BRCA1: variants seen among roughly 807,000 people sequenced by gnomAD.
BRCA1 encodes breast cancer type 1 susceptibility protein.
A neutral mutation model predicts 173.7 loss-of-function variants in BRCA1; 140 were observed. The ratio of observed to expected loss-of-function variants is 0.81; its 90% CI spans 0.70 to 0.93. The LOEUF (loss-of-function observed/expected upper bound fraction) is 0.93. BRCA1 is among the 40% of genes least tolerant of loss of function. The probability of loss-of-function intolerance (pLI) is 0.00; values close to 1 mark genes in which losing one functional copy is unlikely to be tolerated. For synonymous variants in BRCA1, 662 were observed against 756.0 expected, an observed-to-expected ratio of 0.88 and a Z score of 2.04; for missense variants, 1,983 against 2,172.5, an observed-to-expected ratio of 0.91 and a Z score of 1.73.
At position 43,104,177 on chromosome 17, in the gene BRCA1, C is replaced by A. The variant is rs764231119; in HGVS notation, c.386G>T (p.Gly129Val). The change falls in exon 6 of 23, where the codon GGC becomes GTC. Residue 129 changes from glycine (G) to valine (V), a missense_variant. Transcript: ENST00000357654. Reference protein sequence around the residue: ...KDEVSIIQSMGYRNRAKRLLQ... With the variant: ...KDEVSIIQSMVYRNRAKRLLQ... Reference sequence around the variant, plus strand: ...AAGTCTTTTGGCACGGTTTCTGTAGCCCATACTTTGGATGATAGAAACTTC... The same window carrying A: ...AAGTCTTTTGGCACGGTTTCTGTAGACCATACTTTGGATGATAGAAACTTC... 6.2e-7 allele frequency: 1 copy of A among 1,613,966 alleles called. No homozygotes were observed. Among genetic ancestry groups the A allele is most frequent in the Non-Finnish European group, 8.5e-7 (1 of 1,179,944 alleles).
At chr17:43,087,845 C>T (rs1239085645) in intron 11 of BRCA1, among the ~76,000 whole-genome samples, 1 of 152,016 alleles carries the variant, frequency 6.6e-6, no homozygotes, top group Non-Finnish European at 1.5e-5. Context: ...AGCAATCCTA[C>T]CCCAGCCACT....
intron 1 of BRCA1, among the ~76,000 whole-genome samples, chr17:43,151,526 T>C (rs1226558328): frequency 6.6e-6 from 1 of 152,206 alleles, no homozygotes; most frequent in Non-Finnish European, 1.5e-5. Flanking sequence ...AAGAGGATTT[T>C]CAGTGTGTTC....
Position 43,104,272 on chromosome 17 carries a change from C to T in BRCA1, c.302-11G>A, listed in dbSNP as rs1057521776. On this transcript the variant is annotated splice_polypyrimidine_tract_variant and intron_variant, in intron 5 of 22. Coordinates refer to ENST00000357654, the MANE Select transcript of BRCA1 (RefSeq NM_007294.4). ...TATAGCTGTTTGCATCTGTAAAATACAAGGGAAAACATTATGTTTGCAGTT... is the reference window on the plus strand; with the variant it reads ...TATAGCTGTTTGCATCTGTAAAATATAAGGGAAAACATTATGTTTGCAGTT... 1.2e-6 allele frequency: 2 copies of T among 1,607,108 alleles called. No individual in the cohort carries two copies. The highest frequency in any genetic ancestry group is 2.7e-5 in the African/African-American group (2 of 74,654).
intron 12 of BRCA1, among the ~76,000 whole-genome samples, chr17:43,080,357 G>T (rs112920552): frequency 6.6e-6 from 1 of 152,106 alleles, no homozygotes; most frequent in Non-Finnish European, 1.5e-5. Context: ...CACCACGCCC[G>T]GCTAATTTTT....
chr17:43,120,210 A>G (rs2055481287), intron 2 of BRCA1, among the ~76,000 whole-genome samples: 1 of 152,252 alleles, frequency 6.6e-6, no homozygotes, highest in African/African-American at 2.4e-5. Flanking sequence ...AAAGTTACAA[A>G]GAACTACCAA....
chr17:43,120,522 T>C (rs1216793521), intron 2 of BRCA1, among the ~76,000 whole-genome samples: 2 of 152,012 alleles, frequency 1.3e-5, no homozygotes, highest in African/African-American at 4.8e-5. Flanking sequence ...TCCCAGCACT[T>C]TGGGAGGCCG....
intron 2 of BRCA1, among the ~76,000 whole-genome samples, chr17:43,117,599 C>T (rs2055354489): frequency 6.6e-6 from 1 of 152,114 alleles, no homozygotes; most frequent in Non-Finnish European, 1.5e-5. Flanking sequence ...ACTAACTGGG[C>T]ATGGTGGCAT....
chr17:43,154,884 G>A (rs1183944639), intron 1 of BRCA1, among the ~76,000 whole-genome samples: 2 of 151,888 alleles, frequency 1.3e-5, no homozygotes, highest in African/African-American at 2.4e-5. Context: ...AGGTGTACAT[G>A]GGGGGAGTCA....
chr17:43,058,929 T>C (rs974477980), intron 18 of BRCA1, among the ~76,000 whole-genome samples: 7 of 152,196 alleles, frequency 4.6e-5, no homozygotes, highest in Non-Finnish European at 1.0e-4. Flanking sequence ...ACTCAGATTG[T>C]AGGGAAGGCC....
rs80356851 is a variant in BRCA1, at chr17:43,092,717, T to G, written c.2814A>C (p.Pro938=). Reference sequence around the variant, plus strand: ...TGATACTACATTTGGCATTATCAACTGGCTTATCTTTCTGACCAACCACAG... The same window carrying G: ...TGATACTACATTTGGCATTATCAACGGGCTTATCTTTCTGACCAACCACAG... The part of the protein sequence containing the change: ...GFPVVGQKDK[P]VDNAKCSIKG... Residue 938 remains proline, a synonymous_variant, in exon 10 of 23, where the codon CCA becomes CCC. Coordinates refer to ENST00000357654, the MANE Select transcript of BRCA1 (RefSeq NM_007294.4). The G allele has an allele frequency of 6.2e-7, 1 of 1,614,178 alleles. No homozygotes were observed. The highest frequency in any genetic ancestry group is 1.3e-5 in the African/African-American group (1 of 75,062).
rs189442183 is a variant in BRCA1 at position 43,045,572 on chromosome 17, G to T, written c.*106C>A. 2 of 1,489,766 alleles carry T rather than the reference G, an allele frequency of 1.3e-6. No individual in the cohort carries two copies. Among genetic ancestry groups the T allele is most frequent in the Non-Finnish European group, 1.9e-6 (2 of 1,078,458 alleles). 92.3% of individuals were successfully genotyped at this position (1,489,766 alleles called of 1,614,324 possible). A position where few individuals can be genotyped will look rare whatever the true frequency, so the allele number is the denominator to read the frequency against. On this transcript the variant is annotated 3_prime_UTR_variant, in exon 23 of 23. Transcript: ENST00000357654. ...TGTACATAAAATATTTAGTAGCCAG[G>T]ACAGTAGAAGGACTGAAGAGTGAGA...
rs80357259 is a variant in BRCA1, at chr17:43,091,012, C to A, written c.4117G>T (p.Glu1373Ter). The A allele has an allele frequency of 6.2e-7, 1 of 1,612,838 alleles. No homozygotes were observed. Reference sequence around the variant, plus strand: ...TCTTCAGAGACGCTTGTTTCACTCTCACACCCAGATGCTGCTTCACCTTAA... The same window carrying A: ...TCTTCAGAGACGCTTGTTTCACTCTAACACCCAGATGCTGCTTCACCTTAA... ...SNLGEAASGC[E>*]SETSVSEDCS... Residue 1373 changes from glutamate (E) to a stop codon, truncating the protein, a stop_gained, in exon 11 of 23, where the codon GAG becomes TAG. Coordinates refer to ENST00000357654, the MANE Select transcript of BRCA1 (RefSeq NM_007294.4). LOFTEE classifies it high-confidence loss of function.
chr17:43,046,645 G>T (rs1012188768), intron 22 of BRCA1, among the ~76,000 whole-genome samples: 1 of 151,132 alleles, frequency 6.6e-6, no homozygotes, highest in African/African-American at 2.4e-5. Flanking sequence ...CAGGTGATCC[G>T]CCCTGAGGCT....
At chr17:43,076,256 C>G (rs990024719) in intron 13 of BRCA1, among the ~76,000 whole-genome samples, 1 of 151,898 alleles carries the variant, frequency 6.6e-6, no homozygotes, top group African/African-American at 2.4e-5. Context: ...TTTTTTCTGA[C>G]CTTCAGAAGG....
At chr17:43,110,618 A>C (rs898440584) in intron 3 of BRCA1, 2 of 390,400 alleles carry the variant, frequency 5.1e-6, no homozygotes, top group Admixed American at 3.2e-5. Flanking sequence ...GCTGTTGAAA[A>C]ATTTAAGTTA....
intron 6 of BRCA1, among the ~76,000 whole-genome samples, chr17:43,100,620 C>CATAT (rs796230530): frequency 8.4e-5 from 1 of 11,946 alleles, no homozygotes; most frequent in Non-Finnish European, 3.1e-4. Context: ...ATATATATAA[C>CATAT]ATATATATAT....
chr17:43,095,830 C>T lies in BRCA1; in HGVS notation c.670+16G>A, dbSNP rs199916228. ...CTCTTTTCAGTGCCTGTTAAGTTGG[C>T]AAACTTTGCCATTACCCTTTTTTGC... On this transcript the variant is annotated intron_variant, in intron 9 of 22. Coordinates refer to ENST00000357654, the MANE Select transcript of BRCA1 (RefSeq NM_007294.4). The T allele has an allele frequency of 1.4e-4, 224 of 1,606,486 alleles. 2 individuals are homozygous for T. The highest frequency in any genetic ancestry group is 1.9e-4 in the Non-Finnish European group (218 of 1,173,752).
chr17:43,053,112 A>G (rs1159671628), intron 19 of BRCA1, among the ~76,000 whole-genome samples: 1 of 151,854 alleles, frequency 6.6e-6, no homozygotes, highest in African/African-American at 2.4e-5. Flanking sequence ...TCCTGACCTC[A>G]TGATCCACCC....
chr17:43,126,868 C>T (rs551267064), upstream of BRCA1, among the ~76,000 whole-genome samples: 6 of 152,086 alleles, frequency 3.9e-5, no homozygotes, highest in East Asian at 3.9e-4. Context: ...ACTGGGGCTG[C>T]GCGCAGCGCT....
Sources: allele counts gnomAD v4.1 joint callset (sites outside exome capture counted in the v4.1 genomes callset), GRCh38; gene constraint gnomAD v4.1.1; transcripts MANE v1.5; gene names NCBI Gene and HGNC (gene_info 2026-07-23, HGNC 2026-07-21).